The following FHOD1 variants were observed in gnomAD, a reference collection of about 807,000 sequenced individuals.
The protein encoded by FHOD1 is formin homology 2 domain containing 1.
FHOD1 carries 89 observed loss-of-function variants against 111.6 expected under a neutral mutation model. The observed-to-expected ratio is 0.80, with a 90% CI of 0.67 to 0.95. The LOEUF (loss-of-function observed/expected upper bound fraction) is 0.95. Among genes scored for constraint, FHOD1 ranks in the 40% least tolerant of loss-of-function variants. The probability of loss-of-function intolerance (pLI) is 0.00; values close to 1 mark genes in which losing one functional copy is unlikely to be tolerated. For synonymous variants in FHOD1, 618 were observed against 639.0 expected, an observed-to-expected ratio of 0.97 and a Z score of 0.50; for missense variants, 1,446 against 1,554.2, an observed-to-expected ratio of 0.93 and a Z score of 1.17.
intron 1 of FHOD1, among the ~76,000 whole-genome samples, chr16:67,241,793 A>G (rs2034675263): frequency 6.6e-6 from 1 of 152,232 alleles, no homozygotes; most frequent in Admixed American, 6.5e-5. Flanking sequence ...ACACCCAGGT[A>G]TAAGGTTGGG....
Position 67,242,104 on chromosome 16 carries a change from G to A in FHOD1, c.202-2650C>T, listed in dbSNP as rs1304641048. On this transcript the variant is annotated intron_variant, in intron 1 of 21. Transcript: ENST00000258201. ...CTACCTCAGCCTCCTGAGTAGCTAA[G>A]GTTACAGGCGTGCATCACCATGCCT... is the stretch of plus-strand genomic sequence containing the variant. 2.0e-5 allele frequency among the ~76,000 whole-genome samples: 3 copies of A among 152,096 alleles called. No individual in the cohort carries two copies. In the East Asian group the frequency reaches 5.8e-4, roughly 29 times the overall value.
chr16:67,235,881 A>C (rs909134781), intron 11 of FHOD1: 5 of 203,440 alleles, frequency 2.5e-5, no homozygotes, highest in Non-Finnish European at 4.3e-5. Flanking sequence ...GTTACCGAGG[A>C]GGCATATGTC....
chr16:67,234,019 A>T lies in FHOD1; in HGVS notation c.1684T>A (p.Ser562Thr), dbSNP rs2142273744. 1 of 1,613,310 alleles carries T rather than the reference A, an allele frequency of 6.2e-7. No individual in the cohort carries two copies. ...DEDQDMLNVESVEAGKDIPAP... is the reference protein window; with the variant it reads ...DEDQDMLNVETVEAGKDIPAP... ...GGGATGTCTTTCCCAGCCTCCACAG[A>T]CTCTACATTCAGCATGTCCTGGTCT... The change falls in exon 13 of 22, where the codon TCT (serine) becomes ACT (threonine). Residue 562 changes from serine to threonine, a missense_variant. Around this residue, in one of 3 missense-constraint regions of FHOD1, gnomAD observed 1,085 missense variants for 1,108.8 expected, o/e 0.98. Transcript: ENST00000258201.
intron 10 of FHOD1, 44 bp from the exon 11 acceptor site, chr16:67,236,777 A>T (rs1268984476): frequency 1.3e-5 from 8 of 593,142 alleles, no homozygotes; most frequent in Non-Finnish European, 1.6e-5. Context: ...GAGAAGCTGG[A>T]GGCGGGGCCT....
chr16:67,230,075 G>A lies in FHOD1; in HGVS notation c.3205C>T (p.Arg1069Cys), dbSNP rs775759444. Residue 1069 changes from arginine to cysteine, a missense_variant, in exon 20 of 22, where the codon CGC (arginine) becomes TGC (cysteine). Transcript: ENST00000258201. The part of the protein sequence containing the change: ...SRPEDTTHNR[R>C]SRGMVQSSSP... ...CTGCTATGGGCCTCACCTCTGCTGC[G>A]GCGATTGTGTGTGGTGTCCTCAGGC... The A allele has an allele frequency of 5.0e-6, 8 of 1,613,864 alleles. No homozygotes were observed. In the South Asian group the frequency reaches 5.5e-5, roughly 11 times the overall value.
chr16:67,230,416 A>G lies in FHOD1; in HGVS notation c.2949T>C (p.Phe983=), dbSNP rs768438495. 7 of 1,614,242 alleles carry G rather than the reference A, an allele frequency of 4.3e-6. No homozygotes were observed. The South Asian group carries it at 7.7e-5, about 18-fold the overall frequency. Residue 983 remains phenylalanine, a synonymous_variant, in exon 19 of 22, where the codon TTT becomes TTC. Transcript: ENST00000258201. ...CCCGGCAAGTCCGATACTCAAGCGC[A>G]AATTCCCGCAGCGTGTGGCAGAACT... ...IMQFCHTLRE[F]ALEYRTCRER...
At position 67,233,672 on chromosome 16, in the gene FHOD1, C is replaced by T; in HGVS notation, c.2031G>A (p.Glu677=). 1.3e-6 allele frequency: 2 copies of T among 1,598,018 alleles called. No individual in the cohort carries two copies. The highest frequency in any genetic ancestry group is 1.1e-5 in the South Asian group (1 of 90,390). ...LEHLFESRAK[E]VLPSKKAGEG... ...GTGGATTTACCTTGGAGGGCAGCAC[C>T]TCTTTGGCACGAGACTCAAAGAGGT... Residue 677 remains glutamate (E), a synonymous_variant, in exon 13 of 22, where the codon GAG becomes GAA. Coordinates refer to ENST00000258201, the MANE Select transcript of FHOD1 (RefSeq NM_013241.3).
intron 1 of FHOD1, among the ~76,000 whole-genome samples, chr16:67,240,491 T>C (rs868769997): frequency 6.6e-6 from 1 of 152,188 alleles, no homozygotes; most frequent in East Asian, 1.9e-4. Context: ...ATCATGTCAT[T>C]GCACTCTAGC....
rs757268521 is a variant in FHOD1 at position 67,230,597 on chromosome 16, C to T, written c.2858+4G>A. 1.2e-6 allele frequency: 2 copies of T among 1,614,092 alleles called. No individual in the cohort carries two copies. The highest frequency in any genetic ancestry group is 1.7e-6 in the Non-Finnish European group (2 of 1,179,964). ...TCCTGCCTCTCTTGGGTCCATGCCC[C>T]TACCTATTGCAGACACGGCGGTGCA... On this transcript the variant is annotated splice_donor_region_variant and intron_variant, in intron 18 of 21. Coordinates refer to ENST00000258201, the MANE Select transcript of FHOD1 (RefSeq NM_013241.3).
chr16:67,245,647 A>C (rs537231857), intron 1 of FHOD1, among the ~76,000 whole-genome samples: 1 of 152,106 alleles, frequency 6.6e-6, no homozygotes. Flanking sequence ...TGGAAGGCTG[A>C]GGCACGAGAA....
Position 67,231,752 on chromosome 16 carries a change from G to C in FHOD1, c.2270C>G (p.Pro757Arg), listed in dbSNP as rs1445862391. 1 of 1,614,062 alleles carries C rather than the reference G, an allele frequency of 6.2e-7. No individual in the cohort carries two copies. Among genetic ancestry groups the C allele is most frequent in the East Asian group, 2.2e-5 (1 of 44,862 alleles). ...QKIEEAQLANPDIPLGPAENF... is the reference protein window; with the variant it reads ...QKIEEAQLANRDIPLGPAENF... ...CTCGGCTGGGCCCAGGGGTATGTCA[G>C]GGTTGGCCAGCTGGGCTTCCTCAAT... The change falls in exon 15 of 22, where the codon CCT (proline) becomes CGT (arginine). Residue 757 changes from proline (P) to arginine (R), a missense_variant. Transcript: ENST00000258201. This position sits in a 1 kb window ranked among gnomAD's most constrained non-coding sequence, Gnocchi z 4.3.
At chr16:67,234,617 A>T in intron 11 of FHOD1, 145 bp from the exon 12 acceptor site, 1 of 652,544 alleles carries the variant, frequency 1.5e-6, no homozygotes, top group Non-Finnish European at 2.7e-6. Flanking sequence ...GACCAGAACC[A>T]CACCCCCCCC....
chr16:67,237,082 T>G lies in FHOD1; in HGVS notation c.1026A>C (p.Glu342Asp). The change falls in exon 10 of 22, where the codon GAA becomes GAC. Residue 342 changes from glutamate (E) to aspartate (D), a missense_variant. By Grantham distance (45) the Glu-to-Asp change is conservative. Around this residue, in one of 3 missense-constraint regions of FHOD1, gnomAD observed 1,085 missense variants for 1,108.8 expected, o/e 0.98. Transcript: ENST00000258201. This position sits in a 1 kb window ranked among gnomAD's most constrained non-coding sequence, Gnocchi z 5.6. ...NALKLEDGDI[E>D]EAPGAGGRRE... ...GCCGCCCACCAGCGCCTGGGGCTTCTTCGATGTCTCCATCCTCCAATTTCA... is the reference window on the plus strand; with the variant it reads ...GCCGCCCACCAGCGCCTGGGGCTTCGTCGATGTCTCCATCCTCCAATTTCA... 1 of 1,612,874 alleles carries G rather than the reference T, an allele frequency of 6.2e-7. No homozygotes were observed. Among genetic ancestry groups the G allele is most frequent in the Non-Finnish European group, 8.5e-7 (1 of 1,179,590 alleles).
At chr16:67,232,585 T>C (rs1290298931) in intron 13 of FHOD1, among the ~76,000 whole-genome samples, 1 of 145,538 alleles carries the variant, frequency 6.9e-6, no homozygotes, top group Non-Finnish European at 1.5e-5. Flanking sequence ...CAGAGGGCAC[T>C]CCAAGGCCCT....
At chr16:67,230,902 A>G in intron 17 of FHOD1, 111 bp from the exon 18 acceptor site, 17 of 1,184,366 alleles carry the variant, frequency 1.4e-5, no homozygotes, top group Non-Finnish European at 2.0e-5. Context: ...GGACACAGAC[A>G]TCCAAATCTC....
Position 67,237,845 on chromosome 16 carries a change from C to A in FHOD1, c.643-77G>T. 1.4e-6 allele frequency: 2 copies of A among 1,429,706 alleles called. No homozygotes were observed. The highest frequency in any genetic ancestry group is 2.0e-6 in the Non-Finnish European group (2 of 1,016,112). 88.6% of individuals were successfully genotyped at this position (1,429,706 alleles called of 1,614,324 possible). On this transcript the variant is annotated intron_variant, in intron 6 of 21. Coordinates refer to ENST00000258201, the MANE Select transcript of FHOD1 (RefSeq NM_013241.3). The surrounding 1 kb of genome is among the most constrained non-coding windows in gnomAD (Gnocchi z 5.6). ...AGCTGTTGCTGGGGAAGGGGAAGGG[C>A]TGCTGGGGCTGGACCCAGAGAGAAT...
In FHOD1 at chr16:67,236,860, G is replaced by A. The variant is rs1191709618; in HGVS notation, c.1142+106C>T. On this transcript the variant is annotated intron_variant, in intron 10 of 21. Transcript: ENST00000258201. The stretch of plus-strand genomic sequence containing the variant: ...GGCAGGCCCAGTGGAGGAGGTGGGG[G>A]CTGTCTGTGGGGCGGGGCCTGAGGG... The A allele has an allele frequency of 5.7e-6, 8 of 1,406,412 alleles. No homozygotes were observed. In the East Asian group the frequency reaches 1.4e-4, roughly 25 times the overall value. The allele number at this position is 1,406,412 out of a possible 1,614,324, so 87.1% of individuals were successfully genotyped here.
intron 13 of FHOD1, among the ~76,000 whole-genome samples, chr16:67,232,512 C>CTT (rs2142267858): frequency 7.7e-6 from 1 of 129,250 alleles, no homozygotes; most frequent in East Asian, 2.4e-4. Context: ...GAGCAAGACT[C>CTT]TGTCTCAAAA....
Position 67,236,639 on chromosome 16 carries a change from C to T in FHOD1, c.1237G>A (p.Gly413Ser), listed in dbSNP as rs780244054. The change falls in exon 11 of 22, where the codon GGT (glycine) becomes AGT (serine). Residue 413 changes from glycine to serine, a missense_variant. Physicochemically the swap from Gly to Ser is moderately conservative, Grantham distance 56. Around this residue, in one of 3 missense-constraint regions of FHOD1, gnomAD observed 1,085 missense variants for 1,108.8 expected, o/e 0.98. Transcript: ENST00000258201. ...AAAAGGTTCACTGAAGCTTGGAGAC[C>T]GGAGGGAGGGCCCACAGGGCTGGAG... ...PASSPVGPPS[G>S]LQASVNLFPT... 3 of 1,612,878 alleles carry T rather than the reference C, an allele frequency of 1.9e-6. No individual in the cohort carries two copies. The highest frequency in any genetic ancestry group is 1.1e-5 in the South Asian group (1 of 90,662).
Sources: allele counts gnomAD v4.1 joint callset (sites outside exome capture counted in the v4.1 genomes callset), GRCh38; gene constraint gnomAD v4.1.1; regional missense constraint gnomAD v4.1.1; non-coding constraint Gnocchi (gnomAD v3.1); transcripts MANE v1.5; gene names NCBI Gene and HGNC (gene_info 2026-07-23, HGNC 2026-07-21).